FILIP1L: variants seen among roughly 807,000 people sequenced by gnomAD.
FILIP1L encodes the protein filamin A interacting protein 1 like, also known as filamin A-interacting protein 1-like.
A neutral mutation model predicts 96.6 loss-of-function variants in FILIP1L; 55 were observed. That is an observed-to-expected ratio of 0.57 (90% CI 0.46 to 0.71). The LOEUF (loss-of-function observed/expected upper bound fraction) is 0.71, where lower values mean the gene tolerates loss of function less well. Ranked by LOEUF, FILIP1L falls within the 30% of genes least tolerant of loss-of-function variation. The pLI is 0.00. For missense variants in FILIP1L, 1,304 were observed against 1,321.2 expected, an observed-to-expected ratio of 0.99 and a Z score of 0.20; for synonymous variants, 467 against 473.9, an observed-to-expected ratio of 0.99 and a Z score of 0.19.
intron 4 of FILIP1L, among the ~76,000 whole-genome samples, chr3:99,862,839 A>T (rs189024496): frequency 6.6e-6 from 1 of 152,064 alleles, no homozygotes; most frequent in South Asian, 2.1e-4. Flanking sequence ...TCACAGATCT[A>T]CTCCACAGCT....
chr3:100,004,892 T>C (rs1709945286), intron 1 of FILIP1L, among the ~76,000 whole-genome samples: 1 of 152,206 alleles, frequency 6.6e-6, no homozygotes, highest in African/African-American at 2.4e-5. Flanking sequence ...TATTGGTGTC[T>C]GTTGGCAAGC....
chr3:99,998,230 T>C (rs947059329), intron 1 of FILIP1L, among the ~76,000 whole-genome samples: 2 of 152,206 alleles, frequency 1.3e-5, no homozygotes, highest in African/African-American at 4.8e-5. Context: ...GTTCTATAAA[T>C]TAGTAGCTAT....
At chr3:100,051,090 T>C (rs1207845039) in intron 1 of FILIP1L, 1 of 152,190 alleles carries the variant, frequency 6.6e-6, no homozygotes, top group Non-Finnish European at 1.5e-5. Context: ...TTTTAAACCA[T>C]CATTTGAATA....
intron 1 of FILIP1L, chr3:100,075,617 C>G (rs2107387257): frequency 6.8e-6 from 1 of 146,598 alleles, no homozygotes; most frequent in South Asian, 2.1e-4. Context: ...ACTCTGTTTT[C>G]TTTTATCTTC....
At chr3:100,085,869 T>C (rs1260070593) in intron 1 of FILIP1L, among the ~76,000 whole-genome samples, 1 of 152,232 alleles carries the variant, frequency 6.6e-6, no homozygotes, top group Non-Finnish European at 1.5e-5. Context: ...TACATTTTCA[T>C]GAAGAGTAAT....
intron 5 of FILIP1L, among the ~76,000 whole-genome samples, chr3:99,831,690 G>A (rs1942673946): frequency 6.6e-6 from 1 of 152,166 alleles, no homozygotes; most frequent in South Asian, 2.1e-4. Flanking sequence ...CCAATTTAGT[G>A]TTCAAAAATC....
At chr3:99,964,940 A>G (rs1486653609) in intron 1 of FILIP1L, among the ~76,000 whole-genome samples, 2 of 152,224 alleles carry the variant, frequency 1.3e-5, no homozygotes, top group African/African-American at 4.8e-5. Flanking sequence ...AAGACTCTGT[A>G]TAAAAATTGT....
rs570082006 is a variant in FILIP1L at position 99,924,581 on chromosome 3, C to T, written c.427-173G>A. Among the ~76,000 whole-genome samples the T allele has an allele frequency of 5.3e-5, 8 of 152,292 alleles. No homozygotes were observed. The South Asian group carries it at 6.2e-4, about 12-fold the overall frequency. ...TTGCCCAGGCTGGAGTGCAATGGCG[C>T]GATCTCGACTCACTGCAACTTCCGC... On this transcript the variant is annotated intron_variant, in intron 3 of 5. Coordinates refer to ENST00000477258, the MANE Select transcript of FILIP1L (RefSeq NM_001387850.1).
At position 100,036,611 on chromosome 3, in the gene FILIP1L, C is replaced by A. The variant is rs141387241; in HGVS notation, c.-11+77442G>T. ...GTAGAAGAAATATAGATTAGAAAAC[C>A]ACCATTTTGCAGCCATCATAGTTGC... On this transcript the variant is annotated intron_variant, in intron 1 of 5. Transcript: ENST00000477258. Among the ~76,000 whole-genome samples, 239 of 152,232 alleles carry A rather than the reference C, an allele frequency of 1.6e-3. 1 individual carries two copies. Among genetic ancestry groups the A allele is most frequent in the African/African-American group, 5.4e-3 (225 of 41,556 alleles).
chr3:99,969,665 G>A (rs1708757413), intron 1 of FILIP1L, among the ~76,000 whole-genome samples: 1 of 152,254 alleles, frequency 6.6e-6, no homozygotes, highest in African/African-American at 2.4e-5. Flanking sequence ...CGGGGAGCCT[G>A]GAAGGATCAG....
At chr3:100,057,824 C>T (rs560967517) in intron 1 of FILIP1L, among the ~76,000 whole-genome samples, 1 of 152,288 alleles carries the variant, frequency 6.6e-6, no homozygotes, top group East Asian at 1.9e-4. Flanking sequence ...TTAACAGGGT[C>T]ACTGCCCTCA....
intron 1 of FILIP1L, among the ~76,000 whole-genome samples, chr3:100,067,703 T>C (rs1011675144): frequency 1.9e-4 from 29 of 152,120 alleles, no homozygotes; most frequent in Non-Finnish European, 1.2e-4. Context: ...GATTAACTAG[T>C]TTAAAAACTG....
intron 4 of FILIP1L, among the ~76,000 whole-genome samples, chr3:99,859,111 T>C (rs1944115079): frequency 6.6e-6 from 1 of 152,238 alleles, no homozygotes. Flanking sequence ...AAACTCCAAT[T>C]TGAAATAAGA....
At chr3:99,854,074 G>A (rs1363961055) in intron 4 of FILIP1L, among the ~76,000 whole-genome samples, 1 of 152,152 alleles carries the variant, frequency 6.6e-6, no homozygotes, top group Non-Finnish European at 1.5e-5. Context: ...TGATAGTGAT[G>A]AATGGTCCAC....
intron 1 of FILIP1L, among the ~76,000 whole-genome samples, chr3:100,045,691 C>T (rs1433753575): frequency 6.6e-6 from 1 of 152,196 alleles, no homozygotes; most frequent in Non-Finnish European, 1.5e-5. Flanking sequence ...AAATATCTGT[C>T]TAAATATTCT....
chr3:99,921,346 C>T (rs1022689214), intron 4 of FILIP1L, among the ~76,000 whole-genome samples: 1 of 152,180 alleles, frequency 6.6e-6, no homozygotes, highest in Non-Finnish European at 1.5e-5. Flanking sequence ...TTTAATACTA[C>T]TTTGATGCAC....
At chr3:99,855,622 C>T (rs1943923074) in intron 4 of FILIP1L, among the ~76,000 whole-genome samples, 1 of 152,166 alleles carries the variant, frequency 6.6e-6, no homozygotes, top group South Asian at 2.1e-4. Flanking sequence ...GGTCCACACA[C>T]AAGGATTTTT....
intron 1 of FILIP1L, among the ~76,000 whole-genome samples, chr3:100,080,417 AC>A (rs2065914474): frequency 6.6e-6 from 1 of 152,194 alleles, no homozygotes; most frequent in Admixed American, 6.5e-5. Flanking sequence ...CATAACAATC[AC>A]CCAGGGAACA....
intron 4 of FILIP1L, among the ~76,000 whole-genome samples, chr3:99,882,778 T>G (rs1203049893): frequency 2.6e-5 from 4 of 152,238 alleles, no homozygotes; most frequent in Non-Finnish European, 5.9e-5. Context: ...TTTACCTAGC[T>G]TATACTAACT....
Sources: allele counts gnomAD v4.1 joint callset (sites outside exome capture counted in the v4.1 genomes callset), GRCh38; gene constraint gnomAD v4.1.1; transcripts MANE v1.5; gene names NCBI Gene and HGNC (gene_info 2026-07-23, HGNC 2026-07-21).